SYT1: variants seen among roughly 807,000 people sequenced by gnomAD.
The protein encoded by SYT1 is synaptotagmin-1.
A neutral mutation model predicts 44.8 loss-of-function variants in SYT1; 8 were observed. The ratio of observed to expected loss-of-function variants is 0.18; its 90% CI spans 0.10 to 0.32. The LOEUF (loss-of-function observed/expected upper bound fraction) is 0.32. SYT1 is among the 10% of genes least tolerant of loss of function. The pLI is 1.00. For missense variants in SYT1, 286 were observed against 509.3 expected, an observed-to-expected ratio of 0.56 and a Z score of 4.22; for synonymous variants, 154 against 188.8, an observed-to-expected ratio of 0.82 and a Z score of 1.51.
chr12:78,899,502 G>GT (rs1875542333), intron 1 of SYT1, among the ~76,000 whole-genome samples: 6 of 151,954 alleles, frequency 3.9e-5, no homozygotes, highest in African/African-American at 1.4e-4. Context: ...GTATTATAAG[G>GT]TAAAAAAGAT....
chr12:78,897,842 T>A (rs1043860616), intron 1 of SYT1, among the ~76,000 whole-genome samples: 1 of 152,072 alleles, frequency 6.6e-6, no homozygotes, highest in Admixed American at 6.6e-5. Flanking sequence ...TTTGTTGGTT[T>A]TTATTTCATG....
At chr12:79,014,524 A>G (rs1230412067) in intron 2 of SYT1, among the ~76,000 whole-genome samples, 1 of 152,130 alleles carries the variant, frequency 6.6e-6, no homozygotes, top group African/African-American at 2.4e-5. Flanking sequence ...ACCATCTCAC[A>G]CCAGTTAGAA....
At chr12:79,332,680 T>C (rs1881908784) in intron 8 of SYT1, among the ~76,000 whole-genome samples, 1 of 152,174 alleles carries the variant, frequency 6.6e-6, no homozygotes. Flanking sequence ...AGGTATTCCC[T>C]TGTCATCTTT....
chr12:79,215,918 CTTTTTTTTTTTTT>C (rs71091653), intron 3 of SYT1, among the ~76,000 whole-genome samples: 13 of 76,794 alleles, frequency 1.7e-4, no homozygotes, highest in Admixed American at 1.5e-3. Flanking sequence ...GCATTTCTTT[CTTTTTTTTTTTTT>C]TTTTTTTTTT....
At chr12:79,042,401 G>C (rs1412030688) in intron 2 of SYT1, among the ~76,000 whole-genome samples, 4 of 148,032 alleles carry the variant, frequency 2.7e-5, no homozygotes, top group Admixed American at 1.3e-4. Context: ...AGATTTTCTA[G>C]TTTATTTGCG....
At chr12:79,100,086 T>C (rs1878357333) in intron 3 of SYT1, among the ~76,000 whole-genome samples, 1 of 152,156 alleles carries the variant, frequency 6.6e-6, no homozygotes, top group Non-Finnish European at 1.5e-5. Flanking sequence ...ATAAGCATAT[T>C]CAAAAATAGA....
At chr12:79,207,567 C>G (rs1317870540) in intron 3 of SYT1, among the ~76,000 whole-genome samples, 1 of 152,018 alleles carries the variant, frequency 6.6e-6, no homozygotes, top group African/African-American at 2.4e-5. Context: ...TCCCTGTGTC[C>G]ATGTGTACTC....
chr12:78,882,015 T>G (rs912171608), intron 1 of SYT1, among the ~76,000 whole-genome samples: 4 of 151,722 alleles, frequency 2.6e-5, no homozygotes, highest in Non-Finnish European at 5.9e-5. Context: ...TGCAATTATA[T>G]ATTTATTTAT....
intron 9 of SYT1, among the ~76,000 whole-genome samples, chr12:79,363,641 GAGA>G (rs1883416566): frequency 6.6e-6 from 1 of 151,630 alleles, no homozygotes; most frequent in Non-Finnish European, 1.5e-5. Flanking sequence ...AAGCTGAGGT[GAGA>G]AGATCTCTCA....
intron 9 of SYT1, among the ~76,000 whole-genome samples, chr12:79,431,578 C>G (rs1222272373): frequency 4.0e-5 from 6 of 148,464 alleles, no homozygotes; most frequent in African/African-American, 1.5e-4. Context: ...ACTCTTGTTG[C>G]CCAGGCTGGA....
chr12:79,390,224 C>T (rs552243172), intron 9 of SYT1, among the ~76,000 whole-genome samples: 8 of 152,246 alleles, frequency 5.3e-5, no homozygotes, highest in Non-Finnish European at 1.0e-4. Context: ...TGAACCACCG[C>T]GCCCGGCCTC....
chr12:78,979,915 A>T (rs527837356), intron 2 of SYT1, among the ~76,000 whole-genome samples: 2 of 152,212 alleles, frequency 1.3e-5, no homozygotes, highest in South Asian at 4.1e-4. Flanking sequence ...TATATATCTA[A>T]TAAACAACAC....
intron 1 of SYT1, among the ~76,000 whole-genome samples, chr12:78,956,462 A>G (rs1337585315): frequency 6.6e-6 from 1 of 152,032 alleles, no homozygotes; most frequent in Admixed American, 6.6e-5. Context: ...AACTGAGTTA[A>G]TATCTCTCTC....
intron 5 of SYT1, among the ~76,000 whole-genome samples, chr12:79,290,621 C>T (rs1879536208): frequency 6.6e-6 from 1 of 152,182 alleles, no homozygotes; most frequent in Non-Finnish European, 1.5e-5. Flanking sequence ...AGATATAAAA[C>T]AGTCTACCAC....
At chr12:79,389,886 T>C (rs1593024726) in intron 9 of SYT1, among the ~76,000 whole-genome samples, 3 of 152,172 alleles carry the variant, frequency 2.0e-5, no homozygotes, top group African/African-American at 7.2e-5. Context: ...ATTATGTCAC[T>C]AAGAACAAAG....
intron 4 of SYT1, among the ~76,000 whole-genome samples, chr12:79,221,714 T>A (rs1324637225): frequency 1.3e-5 from 2 of 152,164 alleles, no homozygotes; most frequent in African/African-American, 2.4e-5. Context: ...ATTTTGAATT[T>A]TTTATGTCAA....
intron 9 of SYT1, among the ~76,000 whole-genome samples, chr12:79,357,591 T>C (rs893589430): frequency 1.3e-5 from 2 of 152,214 alleles, no homozygotes; most frequent in Non-Finnish European, 2.9e-5. Flanking sequence ...AAATACAGTA[T>C]TATAATCTTA....
At chr12:78,968,836 G>C (rs904263798) in intron 1 of SYT1, among the ~76,000 whole-genome samples, 1 of 152,098 alleles carries the variant, frequency 6.6e-6, no homozygotes, top group Non-Finnish European at 1.5e-5. Flanking sequence ...TTTATATGGT[G>C]CTCATATAGG....
At chr12:79,129,469 T>C (rs766099426) in intron 3 of SYT1, among the ~76,000 whole-genome samples, 2 of 152,198 alleles carry the variant, frequency 1.3e-5, no homozygotes, top group Non-Finnish European at 2.9e-5. Context: ...ATAAAAGTTA[T>C]ACTGAAAGGA....
Sources: allele counts gnomAD v4.1 joint callset (sites outside exome capture counted in the v4.1 genomes callset), GRCh38; gene constraint gnomAD v4.1.1; transcripts MANE v1.5; gene names NCBI Gene and HGNC (gene_info 2026-07-23, HGNC 2026-07-21).